Variants in KIF3A observed in about 807,000 individuals in gnomAD.
KIF3A encodes kinesin-like protein KIF3A.
KIF3A carries 27 observed loss-of-function variants against 92.6 expected under a neutral mutation model. The observed-to-expected ratio is 0.29, with a 90% confidence interval of 0.21 to 0.40. The LOEUF (loss-of-function observed/expected upper bound fraction) is 0.40, where lower values mean the gene tolerates loss of function less well. Ranked by LOEUF, KIF3A falls within the 10% of genes least tolerant of loss-of-function variation. The pLI, the probability that KIF3A is intolerant of heterozygous loss-of-function variation, is 1.00. For synonymous variants in KIF3A, 250 were observed against 275.4 expected (o/e 0.91, Z 0.92); for missense variants, 581 against 872.6 (o/e 0.67, Z 4.21).
At chr5:132,703,284 A>C (rs2149895714) in intron 12 of KIF3A, among the ~76,000 whole-genome samples, 179 bp downstream of exon 12, 1 of 152,270 alleles carries the variant, frequency 6.6e-6, no homozygotes, top group East Asian at 1.9e-4. Flanking sequence ...GAAATAAAAT[A>C]ACCAAAATAG....
At chr5:132,701,307 T>C (rs1581064503) in intron 15 of KIF3A, among the ~76,000 whole-genome samples, 1 of 152,090 alleles carries the variant, frequency 6.6e-6, no homozygotes, top group East Asian at 1.9e-4. Flanking sequence ...AAGACCAGCC[T>C]GGCCAACATG....
chr5:132,709,365 G>A (rs968330089), intron 9 of KIF3A, among the ~76,000 whole-genome samples: 2 of 152,134 alleles, frequency 1.3e-5, no homozygotes, highest in Non-Finnish European at 2.9e-5. Flanking sequence ...AAAACTCAAA[G>A]TCATACACAA....
chr5:132,707,375 G>A (rs1470343889), intron 10 of KIF3A, among the ~76,000 whole-genome samples: 2 of 151,942 alleles, frequency 1.3e-5, no homozygotes, highest in East Asian at 1.9e-4. Context: ...TCACCAACAC[G>A]CCCACATTAC....
chr5:132,699,148 C>A, intron 18 of KIF3A, 23 bp downstream of exon 18: 1 of 1,611,334 alleles, frequency 6.2e-7, no homozygotes, highest in Non-Finnish European at 8.5e-7. Flanking sequence ...CTTCGTTTTA[C>A]CAGATTCAAG....
intron 4 of KIF3A, among the ~76,000 whole-genome samples, chr5:132,724,978 AC>A (rs1753989240): frequency 6.7e-6 from 1 of 149,722 alleles, no homozygotes; most frequent in Non-Finnish European, 1.5e-5. Flanking sequence ...AAAAACTATA[AC>A]AACAATAAAA....
intron 4 of KIF3A, among the ~76,000 whole-genome samples, chr5:132,725,633 C>A (rs1023510148): frequency 2.6e-5 from 4 of 152,124 alleles, no homozygotes; most frequent in Non-Finnish European, 5.9e-5. Context: ...TCAGTAAAAT[C>A]GAACTGCTGG....
chr5:132,708,250 C>T (rs1747540794), intron 10 of KIF3A, among the ~76,000 whole-genome samples: 1 of 149,182 alleles, frequency 6.7e-6, no homozygotes, highest in Admixed American at 6.7e-5. Flanking sequence ...CCACTGCACT[C>T]CGGCCTAGGC....
intron 9 of KIF3A, among the ~76,000 whole-genome samples, chr5:132,710,733 TC>T (rs1319956545): frequency 6.6e-6 from 1 of 151,768 alleles, no homozygotes; most frequent in African/African-American, 2.4e-5. Context: ...TATTATAGAG[TC>T]TTACAATTCT....
At chr5:132,706,486 C>T in intron 10 of KIF3A, 27 bp from the exon 11 acceptor site, 5 of 1,536,344 alleles carry the variant, frequency 3.3e-6, no homozygotes, top group Non-Finnish European at 4.4e-6. Context: ...GTAAGCAAAT[C>T]GCAGACAGGA....
At chr5:132,713,321 A>G (rs1581079646) in intron 8 of KIF3A, among the ~76,000 whole-genome samples, 3 of 152,222 alleles carry the variant, frequency 2.0e-5, no homozygotes, top group Admixed American at 2.0e-4. Flanking sequence ...TAATAAGACT[A>G]TATCAATGTA....
At chr5:132,730,276 G>T (rs141156483) in intron 2 of KIF3A, among the ~76,000 whole-genome samples, 2,881 of 151,490 alleles carry the variant, frequency 0.019, 76 homozygotes, top group African/African-American at 0.062. Context: ...AGACCAGCCT[G>T]GCCAATACGG....
At chr5:132,711,876 C>T (rs980337091) in intron 8 of KIF3A, among the ~76,000 whole-genome samples, 2 of 151,992 alleles carry the variant, frequency 1.3e-5, no homozygotes, top group African/African-American at 4.8e-5. Flanking sequence ...GTTAACTACA[C>T]ATTAACTTAA....
At chr5:132,705,613 A>T (rs1753184614) in intron 11 of KIF3A, among the ~76,000 whole-genome samples, 1 of 152,056 alleles carries the variant, frequency 6.6e-6, no homozygotes, top group Non-Finnish European at 1.5e-5. Context: ...TTCCAAACTG[A>T]TACTTTAGCA....
At chr5:132,710,476 C>T (rs1296232706) in intron 9 of KIF3A, among the ~76,000 whole-genome samples, 1 of 152,066 alleles carries the variant, frequency 6.6e-6, no homozygotes, top group African/African-American at 2.4e-5. Context: ...ATTAGCCGGG[C>T]GAGGTGGCAT....
intron 4 of KIF3A, chr5:132,723,595 A>G (rs1252936380): frequency 6.6e-6 from 1 of 152,276 alleles, no homozygotes; most frequent in East Asian, 1.9e-4. Flanking sequence ...CTGGCTAGCC[A>G]TATGTAGAAA....
intron 15 of KIF3A, among the ~76,000 whole-genome samples, chr5:132,700,947 T>C (rs183298431): frequency 1.3e-5 from 2 of 152,204 alleles, no homozygotes; most frequent in Admixed American, 6.5e-5. Context: ...TTACCTTGGG[T>C]TGGAAGAGGC....
chr5:132,732,332 TA>T (rs1313389304), intron 2 of KIF3A, among the ~76,000 whole-genome samples: 2 of 152,290 alleles, frequency 1.3e-5, no homozygotes, highest in East Asian at 3.9e-4. Context: ...CAAGAGAAAC[TA>T]AACATATGTT....
Position 132,726,152 on chromosome 5 carries a change from G to A in KIF3A, c.486C>T (p.Gly162=). The change falls in exon 4 of 19, where the codon GGC becomes GGT. Residue 162 remains glycine (G), a synonymous_variant. Coordinates refer to ENST00000403231, the MANE Select transcript of KIF3A (RefSeq NM_001300791.2). The stretch of plus-strand genomic sequence containing the variant: ...CCTCTAACCTTTGTGTCTGATCCTT[G>A]CCCAAAAGGTCACGAACTTCTTCAT... ...IYNEEVRDLL[G]KDQTQRLEVK... The A allele has an allele frequency of 6.2e-7, 1 of 1,611,248 alleles. No individual in the cohort carries two copies. Among genetic ancestry groups the A allele is most frequent in the Non-Finnish European group, 8.5e-7 (1 of 1,178,678 alleles).
intron 4 of KIF3A, among the ~76,000 whole-genome samples, chr5:132,721,793 A>C (rs574095777): frequency 6.6e-6 from 1 of 152,192 alleles, no homozygotes; most frequent in Admixed American, 6.5e-5. Flanking sequence ...TAGAGGGTCC[A>C]TGGTGGCACT....
Sources: gnomAD v4.1 joint callset for allele counts (sites outside exome capture counted in the v4.1 genomes callset) on GRCh38, gnomAD v4.1.1 for gene constraint, MANE v1.5 for transcripts, NCBI Gene and HGNC (gene_info 2026-07-23, HGNC 2026-07-21) for gene names.